EIF2AK1: variants seen among roughly 807,000 people sequenced by gnomAD.
EIF2AK1 encodes eukaryotic translation initiation factor 2 alpha kinase 1.
EIF2AK1 carries 54 observed loss-of-function variants against 77.9 expected under a neutral mutation model. The ratio of observed to expected loss-of-function variants is 0.69; its 90% CI spans 0.56 to 0.87. EIF2AK1 has a LOEUF of 0.87. Ranked by LOEUF, EIF2AK1 falls within the 40% of genes least tolerant of loss-of-function variation. The pLI is 0.00. For synonymous variants in EIF2AK1, 314 were observed against 290.5 expected, an observed-to-expected ratio of 1.08 and a Z score of -0.82; for missense variants, 810 against 768.6, an observed-to-expected ratio of 1.05 and a Z score of -0.64.
rs745414189 is a variant in EIF2AK1 at position 6,035,866 on chromosome 7, C to T, written c.1332+1558G>A. The T allele has an allele frequency of 2.2e-5, 34 of 1,547,750 alleles. No individual in the cohort carries two copies. In the South Asian group the frequency reaches 3.9e-4, roughly 18 times the overall value. ...CCCCTGAAGCTTGCAGTGTGCACTG[C>T]ATCAAGCAAAGCAGGCCGACTCCTC... On this transcript the variant is annotated intron_variant, in intron 11 of 14. Coordinates refer to ENST00000199389, the MANE Select transcript of EIF2AK1 (RefSeq NM_014413.4). The surrounding 1 kb of genome is among the most constrained non-coding windows in gnomAD (Gnocchi z 5.5).
chr7:6,024,156 A>C lies in EIF2AK1; in HGVS notation c.*517T>G, dbSNP rs1312006934. On this transcript the variant is annotated 3_prime_UTR_variant, in exon 15 of 15. Transcript: ENST00000199389. ...CAGATAAAAAGGTTGGAAGTTGCAC[A>C]CTGTACACTGTTAAGAAGTTGAGCT... is the stretch of plus-strand genomic sequence containing the variant. The C allele has an allele frequency of 1.6e-6, 2 of 1,286,888 alleles. No homozygotes were observed. Among genetic ancestry groups the C allele is most frequent in the Non-Finnish European group, 2.0e-6 (2 of 987,550 alleles). 79.7% of individuals were successfully genotyped at this position (1,286,888 alleles called of 1,614,324 possible).
chr7:6,029,339 A>C (rs1240053923), intron 11 of EIF2AK1, among the ~76,000 whole-genome samples: 1 of 152,032 alleles, frequency 6.6e-6, no homozygotes, highest in South Asian at 2.1e-4. Context: ...GTCTCTAAAA[A>C]ATACAAAATT....
intron 13 of EIF2AK1, among the ~76,000 whole-genome samples, chr7:6,028,255 T>C (rs758131636): frequency 5.7e-3 from 28 of 4,894 alleles, no homozygotes; most frequent in African/African-American, 0.011. Context: ...GTACTGTTTG[T>C]TTTTTTTTTT....
chr7:6,055,160 T>G (rs1251253407), intron 1 of EIF2AK1, among the ~76,000 whole-genome samples: 1 of 151,712 alleles, frequency 6.6e-6, no homozygotes, highest in Admixed American at 6.6e-5. Flanking sequence ...CTGACCAACA[T>G]GGAGCAACAC....
At chr7:6,025,762 G>A (rs189962397) in intron 14 of EIF2AK1, among the ~76,000 whole-genome samples, 157 of 152,060 alleles carry the variant, frequency 1.0e-3, no homozygotes, top group African/African-American at 3.7e-3. Flanking sequence ...AGCCTCCCAA[G>A]GAGGTGGGAT....
chr7:6,031,807 T>A (rs1787920468), intron 11 of EIF2AK1, among the ~76,000 whole-genome samples: 1 of 152,192 alleles, frequency 6.6e-6, no homozygotes, highest in Admixed American at 6.5e-5. Context: ...CCAGACCCTG[T>A]GTGACTGGAA....
In EIF2AK1 at chr7:6,040,910, G is replaced by T; in HGVS notation, c.1101C>A (p.Asn367Lys). The change falls in exon 9 of 15, where the codon AAC becomes AAA. Residue 367 changes from asparagine to lysine, a missense_variant. By Grantham distance (94) the Asn-to-Lys change is moderately conservative (BLOSUM62 0). Coordinates refer to ENST00000199389, the MANE Select transcript of EIF2AK1 (RefSeq NM_014413.4). The part of the protein sequence containing the change: ...STEESSEENV[N>K]FLGQTEAQYH... ...AATCTACCTCTGTCTGACCCAAAAA[G>T]TTGACATTTTCTTCGGAAGATTCTT... 1 of 1,614,110 alleles carries T rather than the reference G, an allele frequency of 6.2e-7. No homozygotes were observed. Among genetic ancestry groups the T allele is most frequent in the Non-Finnish European group, 8.5e-7 (1 of 1,179,988 alleles).
chr7:6,055,216 G>A (rs1177857264), intron 1 of EIF2AK1, among the ~76,000 whole-genome samples: 6 of 151,646 alleles, frequency 4.0e-5, no homozygotes, highest in African/African-American at 1.2e-4. Context: ...GGTGGCAGGC[G>A]CCTGTAATCC....
chr7:6,039,518 G>C (rs940411814), intron 9 of EIF2AK1, among the ~76,000 whole-genome samples: 2 of 151,804 alleles, frequency 1.3e-5, no homozygotes, highest in African/African-American at 2.4e-5. Flanking sequence ...CTACTCAGGA[G>C]GCTGAGGCAG....
rs144689369 is a variant in EIF2AK1, at chr7:6,050,024, T to G, written c.299A>C (p.Lys100Thr). 1.9e-4 allele frequency: 302 copies of G among 1,609,810 alleles called. No homozygotes were observed. Among genetic ancestry groups the G allele is most frequent in the Non-Finnish European group, 2.4e-4 (286 of 1,178,834 alleles). Reference protein sequence around the residue: ...VFKLLCQTFIKMGLLSSFTCS... With the variant: ...VFKLLCQTFITMGLLSSFTCS... Reference sequence around the variant, plus strand: ...AGTGAAAGAAGACAGCAGCCCCATTTTGATAAACGTCTGGCAAAGTACTAT... The same window carrying G: ...AGTGAAAGAAGACAGCAGCCCCATTGTGATAAACGTCTGGCAAAGTACTAT... The change falls in exon 3 of 15, where the codon AAA (lysine) becomes ACA (threonine). Residue 100 changes from lysine to threonine, a missense_variant. Physicochemically the swap from Lys to Thr is moderately conservative, Grantham distance 78. Around this residue, in one of 3 missense-constraint regions of EIF2AK1, gnomAD observed 246 missense variants for 199.0 expected, o/e 1.24. Coordinates refer to ENST00000199389, the MANE Select transcript of EIF2AK1 (RefSeq NM_014413.4).
At chr7:6,030,381 GC>G (rs1367529668) in intron 11 of EIF2AK1, among the ~76,000 whole-genome samples, 7 of 152,270 alleles carry the variant, frequency 4.6e-5, no homozygotes, top group African/African-American at 1.7e-4. Flanking sequence ...GGGTGTACCT[GC>G]CTACCAGACA....
chr7:6,028,080 A>C (rs1787802344), intron 13 of EIF2AK1: 1 of 353,528 alleles, frequency 2.8e-6, no homozygotes, highest in South Asian at 2.1e-5. Flanking sequence ...ACAAATGAAC[A>C]AACAAAAAAA....
At chr7:6,054,270 T>C (rs1788688383) in intron 2 of EIF2AK1, among the ~76,000 whole-genome samples, 1 of 152,110 alleles carries the variant, frequency 6.6e-6, no homozygotes, top group Admixed American at 6.6e-5. Flanking sequence ...AGTGGCGCTA[T>C]CTCGGCTCAC....
rs961986532 is a variant in EIF2AK1 at position 6,042,466 on chromosome 7, A to G, written c.791+467T>C. Reference sequence around the variant, plus strand: ...ACTCCATCTCAAAAAAAAAAAAAAAATACCGACAGGAAATATCTGAAAGGA... The same window carrying G: ...ACTCCATCTCAAAAAAAAAAAAAAAGTACCGACAGGAAATATCTGAAAGGA... On this transcript the variant is annotated intron_variant, in intron 8 of 14. Coordinates refer to ENST00000199389, the MANE Select transcript of EIF2AK1 (RefSeq NM_014413.4). Among the ~76,000 whole-genome samples, 4 of 151,406 alleles carry G rather than the reference A, an allele frequency of 2.6e-5. No homozygotes were observed. In the South Asian group the frequency reaches 6.3e-4, roughly 24 times the overall value.
chr7:6,038,074 A>T (rs889912745), intron 10 of EIF2AK1, among the ~76,000 whole-genome samples: 5 of 152,198 alleles, frequency 3.3e-5, no homozygotes, highest in African/African-American at 1.2e-4. Context: ...TTCATCTATT[A>T]ATATGATGAC....
intron 4 of EIF2AK1, among the ~76,000 whole-genome samples, chr7:6,047,553 A>G (rs1375948960): frequency 6.6e-6 from 1 of 151,876 alleles, no homozygotes; most frequent in Non-Finnish European, 1.5e-5. Flanking sequence ...GGTGCCTGTA[A>G]TCCCAGCTAC....
At chr7:6,030,941 C>G (rs1787892056) in intron 11 of EIF2AK1, among the ~76,000 whole-genome samples, 1 of 152,148 alleles carries the variant, frequency 6.6e-6, no homozygotes, top group African/African-American at 2.4e-5. Flanking sequence ...CGGAGAAAAA[C>G]TGAACCCATA....
chr7:6,051,947 T>C (rs925655098), intron 2 of EIF2AK1, among the ~76,000 whole-genome samples: 2 of 151,870 alleles, frequency 1.3e-5, no homozygotes, highest in Admixed American at 6.6e-5. Flanking sequence ...CCAAGGCCAG[T>C]GGATCATGAG....
intron 3 of EIF2AK1, among the ~76,000 whole-genome samples, chr7:6,049,450 G>A (rs1178375832): frequency 3.9e-5 from 6 of 152,254 alleles, no homozygotes; most frequent in Non-Finnish European, 1.5e-5. Context: ...GGCTAAGGCA[G>A]GAGAATCCCT....
Sources: allele counts gnomAD v4.1 joint callset (sites outside exome capture counted in the v4.1 genomes callset), GRCh38; gene constraint gnomAD v4.1.1; regional missense constraint gnomAD v4.1.1; non-coding constraint Gnocchi (gnomAD v3.1); transcripts MANE v1.5; gene names NCBI Gene and HGNC (gene_info 2026-07-23, HGNC 2026-07-21).